Variants in MACF1 observed in about 807,000 individuals in gnomAD.
MACF1 encodes microtubule actin crosslinking factor 1.
Under a neutral mutation model 854.8 loss-of-function variants are expected in MACF1, and 193 were observed. The ratio of observed to expected loss-of-function variants is 0.23; its 90% CI spans 0.20 to 0.25. The LOEUF is 0.25. MACF1 is among the 10% of genes least tolerant of loss of function. MACF1 has a pLI of 1.00. For synonymous variants in MACF1, 3,185 were observed against 3,226.7 expected (o/e 0.99, Z 0.44); for missense variants, 7,722 against 8,929.1 (o/e 0.86, Z 5.45).
chr1:39,233,808 T>TTTTTCTTTA (rs755591226), intron 2 of MACF1, among the ~76,000 whole-genome samples: 1 of 65,772 alleles, frequency 1.5e-5, no homozygotes, highest in Non-Finnish European at 3.3e-5. Flanking sequence ...ATTTATTTTT[T>TTTTTCTTTA]ATTGATAATT....
chr1:39,310,159 A>G, intron 24 of MACF1, 86 bp from the exon 25 acceptor site: 4 of 1,052,490 alleles, frequency 3.8e-6, no homozygotes, highest in East Asian at 2.6e-5. Context: ...ACTGTTTTGT[A>G]TATATGTTAC....
In MACF1 at chr1:39,331,425, C is replaced by T. The variant is rs755180011; in HGVS notation, c.4837C>T (p.Arg1613Trp). 21 of 1,613,876 alleles carry T rather than the reference C, an allele frequency of 1.3e-5. No individual in the cohort carries two copies. Among genetic ancestry groups the T allele is most frequent in the African/African-American group, 1.2e-4 (9 of 74,846 alleles). The change falls in exon 37 of 101, where the codon CGG (arginine) becomes TGG (tryptophan). Residue 1613 changes from arginine to tryptophan, a missense_variant. Arg to Trp is a moderately radical substitution (Grantham distance 101, BLOSUM62 -3). Around this residue, in one of 15 missense-constraint regions of MACF1, gnomAD observed 1,531 missense variants for 1,601.6 expected, o/e 0.96. Transcript: ENST00000564288. ...TAATCCCCAGATGTACCAGCAGCTC[C>T]GGGAGCTACAGGATGCCCTGGCCTT... ...LINPQMYQQL[R>W]ELQDALALIS... is the part of the protein sequence containing the mutation.
intron 49 of MACF1, among the ~76,000 whole-genome samples, chr1:39,363,092 A>G (rs1158473553): frequency 6.6e-6 from 1 of 152,186 alleles, no homozygotes; most frequent in Non-Finnish European, 1.5e-5. Flanking sequence ...TCCTTAGCCT[A>G]TGACCCACTA....
At chr1:39,276,855 A>G (rs548196318) in intron 6 of MACF1, among the ~76,000 whole-genome samples, 3 of 152,194 alleles carry the variant, frequency 2.0e-5, no homozygotes, top group Non-Finnish European at 4.4e-5. Flanking sequence ...TTAGGCTTCC[A>G]GGGAGCTTAT....
chr1:39,435,975 G>A (rs1182375222), intron 70 of MACF1: 2 of 538,146 alleles, frequency 3.7e-6, no homozygotes, highest in Admixed American at 7.0e-5. Context: ...GTCTTGGCTG[G>A]TATATATTGT....
At chr1:39,432,140 C>T (rs928688587) in intron 66 of MACF1, among the ~76,000 whole-genome samples, 2 of 152,204 alleles carry the variant, frequency 1.3e-5, no homozygotes, top group African/African-American at 4.8e-5. Context: ...TAACTTGACT[C>T]ATCCGTCTAC....
chr1:39,331,819 G>A lies in MACF1; in HGVS notation c.5231G>A (p.Arg1744Gln), dbSNP rs117326819. ...AGGMVSLKSG[R>Q]KVSIFRAVQE... The stretch of plus-strand genomic sequence containing the variant: ...GGGATGGTGAGCTTGAAATCAGGCC[G>A]GAAGGTTAGCATTTTCCGTGCAGTT... The change falls in exon 37 of 101, where the codon CGG becomes CAG. Residue 1744 changes from arginine (R) to glutamine (Q), a missense_variant. Arg to Gln is a conservative substitution (Grantham distance 43). Coordinates refer to ENST00000564288, the MANE Select transcript of MACF1 (RefSeq NM_001394062.1). 6.7e-4 allele frequency: 1,074 copies of A among 1,614,094 alleles called. 22 individuals are homozygous for A. In the East Asian group the frequency reaches 0.019, roughly 29 times the overall value.
intron 6 of MACF1, chr1:39,268,891 C>A (rs778371926): frequency 7.8e-7 from 1 of 1,289,076 alleles, no homozygotes; most frequent in Non-Finnish European, 1.0e-6. Context: ...GAAACCCTAA[C>A]GAAGTTAACA....
intron 2 of MACF1, among the ~76,000 whole-genome samples, chr1:39,191,560 A>G (rs1368525129): frequency 6.6e-6 from 1 of 152,198 alleles, no homozygotes; most frequent in East Asian, 1.9e-4. Flanking sequence ...CTAAGGATGG[A>G]TGGACAGATA....
Position 39,346,966 on chromosome 1 carries a change from A to G in MACF1, c.10582-11A>G. ...TTTTTGTGTTTTGTTTCCTTTTTCC[A>G]TTTACCTTAGGATTTGAAACAGCCC... On this transcript the variant is annotated splice_polypyrimidine_tract_variant and intron_variant, in intron 40 of 100. Coordinates refer to ENST00000564288, the MANE Select transcript of MACF1 (RefSeq NM_001394062.1). The G allele has an allele frequency of 1.3e-6, 2 of 1,577,928 alleles. No individual in the cohort carries two copies. The highest frequency in any genetic ancestry group is 1.7e-6 in the Non-Finnish European group (2 of 1,158,536).
At chr1:39,410,747 C>T (rs1642957002) in intron 58 of MACF1, 2 of 1,613,942 alleles carry the variant, frequency 1.2e-6, no homozygotes, top group East Asian at 4.5e-5. Context: ...GCTGGTGCTT[C>T]AAATCCTTCC....
chr1:39,131,305 C>T (rs528990576), intron 2 of MACF1, among the ~76,000 whole-genome samples: 124 of 151,460 alleles, frequency 8.2e-4, no homozygotes, highest in African/African-American at 2.8e-3. Flanking sequence ...GCTAGGAATA[C>T]AGGCACATGC....
At chr1:39,115,726 TG>T (rs1401896834) in intron 2 of MACF1, among the ~76,000 whole-genome samples, 2 of 152,006 alleles carry the variant, frequency 1.3e-5, no homozygotes, top group African/African-American at 4.8e-5. Flanking sequence ...GTATGTATAT[TG>T]AGACAAAAAC....
chr1:39,347,252 A>T, intron 41 of MACF1, 42 bp downstream of exon 41: 4 of 1,435,942 alleles, frequency 2.8e-6, no homozygotes, highest in Non-Finnish European at 3.9e-6. Flanking sequence ...GTCTTTGGGG[A>T]TGTCCTCTGT....
intron 1 of MACF1, among the ~76,000 whole-genome samples, chr1:39,228,710 A>G (rs993126582): frequency 1.3e-5 from 2 of 152,156 alleles, no homozygotes; most frequent in African/African-American, 2.4e-5. Flanking sequence ...CTGGAGTGCA[A>G]TGGCACGATC....
At chr1:39,161,590 G>C (rs1457340142) in intron 2 of MACF1, among the ~76,000 whole-genome samples, 1 of 151,954 alleles carries the variant, frequency 6.6e-6, no homozygotes, top group Non-Finnish European at 1.5e-5. Flanking sequence ...CCGGTGGCTG[G>C]GCACGGTGGC....
intron 2 of MACF1, among the ~76,000 whole-genome samples, chr1:39,120,547 A>G (rs1317956063): frequency 6.6e-6 from 1 of 152,124 alleles, no homozygotes; most frequent in Admixed American, 6.6e-5. Context: ...GTATTTTAGT[A>G]GACACAGGGT....
At chr1:39,229,648 G>C (rs1644756768) in intron 1 of MACF1, among the ~76,000 whole-genome samples, 1 of 152,190 alleles carries the variant, frequency 6.6e-6, no homozygotes, top group African/African-American at 2.4e-5. Flanking sequence ...GTAGTAGGCA[G>C]TTAGGCAGGG....
intron 2 of MACF1, among the ~76,000 whole-genome samples, chr1:39,135,749 GA>G (rs968637695): frequency 1.3e-5 from 2 of 150,726 alleles, no homozygotes; most frequent in Non-Finnish European, 3.0e-5. Context: ...AGAATTCTAG[GA>G]AAAAAAAATT....
Sources: gnomAD v4.1 joint callset for allele counts (sites outside exome capture counted in the v4.1 genomes callset) on GRCh38, gnomAD v4.1.1 for gene constraint, gnomAD v4.1.1 regional missense constraint, MANE v1.5 for transcripts, NCBI Gene and HGNC (gene_info 2026-07-23, HGNC 2026-07-21) for gene names.